EPHB1: variants seen among roughly 807,000 people sequenced by gnomAD.
EPHB1 encodes EPH receptor B1, also known as ephrin type-B receptor 1.
Under a neutral mutation model 94.4 loss-of-function variants are expected in EPHB1, and 30 were observed. The ratio of observed to expected loss-of-function variants is 0.32; its 90% CI spans 0.24 to 0.43. The LOEUF (loss-of-function observed/expected upper bound fraction) is 0.43, where lower values mean the gene tolerates loss of function less well. Among genes scored for constraint, EPHB1 ranks in the 20% least tolerant of loss-of-function variants. The probability of loss-of-function intolerance (pLI) is 1.00; values close to 1 mark genes in which losing one functional copy is unlikely to be tolerated. For synonymous variants in EPHB1, 522 were observed against 489.1 expected (o/e 1.07, Z -0.89); for missense variants, 1,055 against 1,308.3 (o/e 0.81, Z 2.99).
intron 1 of EPHB1, among the ~76,000 whole-genome samples, chr3:134,866,608 C>A (rs2037385489): frequency 3.3e-5 from 5 of 152,228 alleles, no homozygotes. Flanking sequence ...ACTCCAAAGC[C>A]CTTGCTGATG....
chr3:134,858,993 C>T (rs1453113329), intron 1 of EPHB1, among the ~76,000 whole-genome samples: 1 of 152,204 alleles, frequency 6.6e-6, no homozygotes, highest in East Asian at 1.9e-4. Context: ...AGCCACCCTG[C>T]CCTCACGGTG....
intron 3 of EPHB1, among the ~76,000 whole-genome samples, chr3:135,040,580 G>A (rs1046000027): frequency 7.2e-5 from 11 of 152,244 alleles, no homozygotes; most frequent in African/African-American, 2.2e-4. Flanking sequence ...GTCCACATGC[G>A]TGTTTGTGTG....
At position 135,132,972 on chromosome 3, in the gene EPHB1, A is replaced by T. The variant is rs2107687520; in HGVS notation, c.1220A>T (p.Gln407Leu). 1 of 1,613,810 alleles carries T rather than the reference A, an allele frequency of 6.2e-7. No individual in the cohort carries two copies. Residue 407 changes from glutamine to leucine, a missense_variant, in exon 5 of 16, where the codon CAG becomes CTG. Coordinates refer to ENST00000398015, the MANE Select transcript of EPHB1 (RefSeq NM_004441.5). ...CACACCCCCTACACCTTTGACATCC[A>T]GGCCATCAATGGAGTCTCCAGCAAG... Reference protein sequence around the residue: ...WAHTPYTFDIQAINGVSSKSP... With the variant: ...WAHTPYTFDILAINGVSSKSP...
intron 6 of EPHB1, 72 bp from the exon 7 acceptor site, chr3:135,161,946 T>C: frequency 6.6e-7 from 1 of 1,515,162 alleles, no homozygotes; most frequent in Non-Finnish European, 8.9e-7. Context: ...GCCTGAATAC[T>C]CCAGGGTGGA....
chr3:135,257,580 G>A (rs1399907167), intron 15 of EPHB1, among the ~76,000 whole-genome samples: 3 of 151,978 alleles, frequency 2.0e-5, no homozygotes, highest in African/African-American at 7.3e-5. Flanking sequence ...CCCGTTCTCA[G>A]ATCTCCAGCT....
intron 4 of EPHB1, among the ~76,000 whole-genome samples, chr3:135,115,617 G>A (rs1295686296): frequency 2.0e-5 from 3 of 152,038 alleles, no homozygotes; most frequent in African/African-American, 7.3e-5. Context: ...CAGAGCAGGT[G>A]TGTCCGATGC....
At chr3:135,171,776 C>T (rs1466772018) in intron 9 of EPHB1, among the ~76,000 whole-genome samples, 1 of 152,180 alleles carries the variant, frequency 6.6e-6, no homozygotes, top group Non-Finnish European at 1.5e-5. Context: ...ACCAGTATTG[C>T]ACACTTACTC....
rs574127163 is a variant in EPHB1 at position 135,224,929 on chromosome 3, C to A, written c.2347-16219C>A. 1.1e-3 allele frequency among the ~76,000 whole-genome samples: 169 copies of A among 152,324 alleles called. 1 individual carries two copies. Among genetic ancestry groups the A allele is most frequent in the Non-Finnish European group, 1.4e-3 (98 of 68,028 alleles). On this transcript the variant is annotated intron_variant, in intron 12 of 15. Transcript: ENST00000398015. The stretch of plus-strand genomic sequence containing the variant: ...ATTAAGATTCTCATGTGTTTCCAGG[C>A]CGCTGCTCCCTGTTCTAGTCTAAGG...
chr3:135,120,867 G>A (rs2107805867), intron 4 of EPHB1, among the ~76,000 whole-genome samples: 1 of 152,284 alleles, frequency 6.6e-6, no homozygotes, highest in Non-Finnish European at 1.5e-5. Context: ...AAAAAATTGT[G>A]TCATCTAGGA....
intron 1 of EPHB1, among the ~76,000 whole-genome samples, chr3:134,802,447 C>T (rs899894228): frequency 6.6e-6 from 1 of 151,964 alleles, no homozygotes; most frequent in Non-Finnish European, 1.5e-5. Context: ...CATGGATCCT[C>T]ATAGCCTGTC....
chr3:135,177,988 A>G (rs905488289), intron 9 of EPHB1, among the ~76,000 whole-genome samples: 16 of 152,118 alleles, frequency 1.1e-4, no homozygotes, highest in Admixed American at 2.0e-4. Flanking sequence ...GGATCTCTCA[A>G]TTTCCTTTGT....
chr3:134,894,699 C>G (rs775579472), intron 1 of EPHB1, among the ~76,000 whole-genome samples: 1 of 152,200 alleles, frequency 6.6e-6, no homozygotes, highest in African/African-American at 2.4e-5. Flanking sequence ...CTCTGCTGTG[C>G]GCTTTTCAAC....
At chr3:134,953,822 G>T (rs977776071) in intron 3 of EPHB1, among the ~76,000 whole-genome samples, 1 of 152,206 alleles carries the variant, frequency 6.6e-6, no homozygotes, top group African/African-American at 2.4e-5. Flanking sequence ...AGAGGGTTCT[G>T]CTGTCCGTGT....
At chr3:134,838,857 C>A (rs1177939365) in intron 1 of EPHB1, among the ~76,000 whole-genome samples, 2 of 152,192 alleles carry the variant, frequency 1.3e-5, no homozygotes, top group African/African-American at 4.8e-5. Flanking sequence ...CAGAATGCAA[C>A]TTTGGAGCTA....
chr3:135,178,696 G>T (rs1033202667), intron 9 of EPHB1, among the ~76,000 whole-genome samples: 4 of 152,012 alleles, frequency 2.6e-5, no homozygotes, highest in African/African-American at 7.3e-5. Flanking sequence ...GAGGGGGGAG[G>T]TGCTAAAATG....
intron 13 of EPHB1, among the ~76,000 whole-genome samples, chr3:135,246,045 A>G (rs1229584441): frequency 6.6e-6 from 1 of 152,140 alleles, no homozygotes; most frequent in Non-Finnish European, 1.5e-5. Context: ...GTTCCAGGAC[A>G]GGTGGTAAAG....
At chr3:135,145,325 G>A (rs1345507156) in intron 5 of EPHB1, among the ~76,000 whole-genome samples, 1 of 152,072 alleles carries the variant, frequency 6.6e-6, no homozygotes, top group Non-Finnish European at 1.5e-5. Flanking sequence ...TATGGGAAGT[G>A]TTTCATATAT....
intron 3 of EPHB1, among the ~76,000 whole-genome samples, chr3:135,077,658 G>A (rs1017752654): frequency 1.3e-5 from 2 of 152,184 alleles, no homozygotes; most frequent in Non-Finnish European, 2.9e-5. Flanking sequence ...GGACATGGGT[G>A]GAGGGGAAAC....
chr3:135,231,623 C>A (rs920724925), intron 12 of EPHB1, among the ~76,000 whole-genome samples: 14 of 152,312 alleles, frequency 9.2e-5, no homozygotes, highest in African/African-American at 3.4e-4. Flanking sequence ...ATTCAAATCA[C>A]ATATTTTATT....
Sources: gnomAD v4.1 joint callset for allele counts (sites outside exome capture counted in the v4.1 genomes callset) on GRCh38, gnomAD v4.1.1 for gene constraint, MANE v1.5 for transcripts, NCBI Gene and HGNC (gene_info 2026-07-23, HGNC 2026-07-21) for gene names.